The following BBX variants were observed in gnomAD, a reference collection of about 807,000 sequenced individuals.
The protein encoded by BBX is HMG box transcription factor BBX.
Under a neutral mutation model 100.2 loss-of-function variants are expected in BBX, and 30 were observed. That is an observed-to-expected ratio of 0.30 (90% CI 0.22 to 0.41). The LOEUF (loss-of-function observed/expected upper bound fraction) is 0.41. Ranked by LOEUF, BBX falls within the 10% of genes least tolerant of loss-of-function variation. The pLI is 1.00. For missense variants in BBX, 1,023 were observed against 1,129.8 expected, an observed-to-expected ratio of 0.91 and a Z score of 1.35; for synonymous variants, 376 against 388.1, an observed-to-expected ratio of 0.97 and a Z score of 0.37.
intron 2 of BBX, among the ~76,000 whole-genome samples, chr3:107,639,476 A>G (rs116365867): frequency 0.024 from 3,590 of 152,304 alleles, 69 homozygotes; most frequent in Non-Finnish European, 0.037. Flanking sequence ...GAATCTTCCC[A>G]AAGATCCTGG....
chr3:107,682,705 C>G (rs1352195272), intron 3 of BBX, among the ~76,000 whole-genome samples: 1 of 152,098 alleles, frequency 6.6e-6, no homozygotes, highest in Non-Finnish European at 1.5e-5. Flanking sequence ...CAAGTAAATG[C>G]TTCACTTCTA....
intron 2 of BBX, among the ~76,000 whole-genome samples, chr3:107,643,985 T>TA (rs1285729217): frequency 6.6e-6 from 1 of 152,124 alleles, no homozygotes; most frequent in Non-Finnish European, 1.5e-5. Context: ...TTAAGAGATT[T>TA]AAAAAACCCA....
intron 13 of BBX, among the ~76,000 whole-genome samples, chr3:107,780,728 G>A (rs955681330): frequency 6.6e-6 from 1 of 151,978 alleles, no homozygotes; most frequent in African/African-American, 2.4e-5. Flanking sequence ...ATTTGTGACT[G>A]ATTGTAATTT....
In BBX at chr3:107,670,074, A is replaced by C. The variant is rs1161726434; in HGVS notation, c.-10+24165A>C. Among the ~76,000 whole-genome samples the C allele has an allele frequency of 2.0e-5, 3 of 152,226 alleles. No individual in the cohort carries two copies. In the East Asian group the frequency reaches 5.8e-4, roughly 29 times the overall value. On this transcript the variant is annotated intron_variant, in intron 3 of 17. Coordinates refer to ENST00000325805, the MANE Select transcript of BBX (RefSeq NM_001142568.3). ...ATTAGTACACCTGAGTTTGAATCAG[A>C]TGTTATGTATTAGACTTAGCTAATT...
At chr3:107,650,310 G>A (rs533594472) in intron 3 of BBX, among the ~76,000 whole-genome samples, 1 of 152,136 alleles carries the variant, frequency 6.6e-6, no homozygotes, top group Middle Eastern at 3.4e-3. Flanking sequence ...GCATATATGA[G>A]GGATCTAGGT....
At chr3:107,681,077 G>A (rs1364007235) in intron 3 of BBX, among the ~76,000 whole-genome samples, 1 of 152,142 alleles carries the variant, frequency 6.6e-6, no homozygotes, top group Non-Finnish European at 1.5e-5. Context: ...TGATGGTAGT[G>A]CTGATAAATA....
chr3:107,661,948 A>G, intron 3 of BBX: 1 of 963,904 alleles, frequency 1.0e-6, no homozygotes. Context: ...CACTGTAGTA[A>G]GTCATTCAGC....
At chr3:107,664,504 C>CAAAA (rs1373278499) in intron 3 of BBX, among the ~76,000 whole-genome samples, 2 of 152,186 alleles carry the variant, frequency 1.3e-5, no homozygotes, top group Non-Finnish European at 1.5e-5. Context: ...ATCATCTTAA[C>CAAAA]AAAAACCCTG....
chr3:107,626,265 A>G (rs1295877482), intron 2 of BBX, among the ~76,000 whole-genome samples: 1 of 152,244 alleles, frequency 6.6e-6, no homozygotes, highest in East Asian at 1.9e-4. Context: ...AATGACAAAA[A>G]GAGAAAAAAC....
intron 3 of BBX, among the ~76,000 whole-genome samples, chr3:107,698,381 G>A (rs940570220): frequency 1.3e-5 from 2 of 151,522 alleles, no homozygotes; most frequent in Admixed American, 6.6e-5. Flanking sequence ...GGCCAGATGC[G>A]GTGGTTCACA....
chr3:107,595,714 C>T (rs1468742612), intron 2 of BBX, among the ~76,000 whole-genome samples: 2 of 152,176 alleles, frequency 1.3e-5, no homozygotes, highest in Non-Finnish European at 2.9e-5. Flanking sequence ...CTATACCTTA[C>T]TCAGCAGTCA....
chr3:107,643,834 T>G (rs2057361686), intron 2 of BBX, among the ~76,000 whole-genome samples: 1 of 152,178 alleles, frequency 6.6e-6, no homozygotes, highest in Non-Finnish European at 1.5e-5. Flanking sequence ...AGATAAAATT[T>G]GGAGTGTTTC....
intron 5 of BBX, among the ~76,000 whole-genome samples, chr3:107,727,058 A>G (rs2062995643): frequency 6.6e-6 from 1 of 152,040 alleles, no homozygotes; most frequent in African/African-American, 2.4e-5. Context: ...AGCATTTTTC[A>G]CAATTATGAC....
chr3:107,774,172 A>G (rs1261318277), intron 11 of BBX, among the ~76,000 whole-genome samples: 1 of 151,992 alleles, frequency 6.6e-6, no homozygotes, highest in African/African-American at 2.4e-5. Context: ...TTAAAACATT[A>G]TAATGTCCAG....
chr3:107,737,888 T>TTTG (rs2063752529), intron 7 of BBX, among the ~76,000 whole-genome samples: 1 of 124,876 alleles, frequency 8.0e-6, no homozygotes, highest in Non-Finnish European at 1.7e-5. Flanking sequence ...GTTCCAGTTT[T>TTTG]TTTTTTTTTT....
At chr3:107,599,477 A>T (rs2053906480) in intron 2 of BBX, 1 of 152,158 alleles carries the variant, frequency 6.6e-6, no homozygotes, top group South Asian at 2.1e-4. Context: ...TTTTTTAAAA[A>T]AAAAGTGGGG....
intron 13 of BBX, 108 bp downstream of exon 13, chr3:107,778,627 G>A: frequency 8.0e-7 from 1 of 1,247,686 alleles, no homozygotes; most frequent in Non-Finnish European, 1.1e-6. Flanking sequence ...AATTGAGGCA[G>A]TAGGGAGTTA....
intron 2 of BBX, among the ~76,000 whole-genome samples, chr3:107,622,734 A>G (rs1258938396): frequency 6.6e-6 from 1 of 151,960 alleles, no homozygotes; most frequent in Non-Finnish European, 1.5e-5. Flanking sequence ...ATTGATTTTG[A>G]ATTTTATTCT....
rs1327093534 is a variant in BBX at position 107,809,761 on chromosome 3, CT to C, written c.*4307del. The C allele has an allele frequency of 1.3e-5, 2 of 152,176 alleles. No individual in the cohort carries two copies. Among genetic ancestry groups the C allele is most frequent in the Non-Finnish European group, 1.5e-5 (1 of 68,034 alleles). 9.4% of individuals were successfully genotyped at this position (152,176 alleles called of 1,614,324 possible). A position where few individuals can be genotyped will look rare whatever the true frequency, so the allele number is the denominator to read the frequency against. On this transcript the variant is annotated 3_prime_UTR_variant, in exon 18 of 18. Transcript: ENST00000325805. ...CTGCTAGGTAGAAATTAAAACTTAG[CT>C]TTCCCAAATAGCTCCTTATTTTGCA...
Sources: gnomAD v4.1 joint callset for allele counts (sites outside exome capture counted in the v4.1 genomes callset) on GRCh38, gnomAD v4.1.1 for gene constraint, MANE v1.5 for transcripts, NCBI Gene and HGNC (gene_info 2026-07-23, HGNC 2026-07-21) for gene names.